The following KRIT1 variants were observed in gnomAD, a reference collection of about 807,000 sequenced individuals.
The protein encoded by KRIT1 is krev interaction trapped protein 1.
In KRIT1, 45 loss-of-function variants were observed where a neutral mutation model predicts 95.8. That is an observed-to-expected ratio of 0.47 (90% confidence interval 0.37 to 0.60). The LOEUF is 0.60. KRIT1 is among the 20% of genes least tolerant of loss of function. The pLI, the probability that KRIT1 is intolerant of heterozygous loss-of-function variation, is 0.00. For synonymous variants in KRIT1, 282 were observed against 278.8 expected (o/e 1.01, Z -0.11); for missense variants, 788 against 877.5 (o/e 0.90, Z 1.29).
rs540124707 is a variant in KRIT1, at chr7:92,201,600, T to C, written c.2026-177A>G. On this transcript the variant is annotated intron_variant, in intron 17 of 18. Transcript: ENST00000394505. ...GTGCAGAATGTGCAGTTTTGTTACA[T>C]AGACATACACATGCCATGGTGGTTT... The C allele has an allele frequency of 1.7e-3, 976 of 573,738 alleles. 11 individuals are homozygous for C. The highest frequency in any genetic ancestry group is 0.017 in the South Asian group (871 of 52,196). 35.5% of individuals were successfully genotyped at this position (573,738 alleles called of 1,614,324 possible).
chr7:92,235,666 G>C lies in KRIT1; in HGVS notation c.486-20C>G. 1 of 1,612,528 alleles carries C rather than the reference G, an allele frequency of 6.2e-7. No individual in the cohort carries two copies. Among genetic ancestry groups the C allele is most frequent in the South Asian group, 1.1e-5 (1 of 90,786 alleles). Reference sequence around the variant, plus strand: ...AACCACCTGGCAAAATAAAAAAACAGGTAGAAGTAGCCATTCGAAAGTGAA... The same window carrying C: ...AACCACCTGGCAAAATAAAAAAACACGTAGAAGTAGCCATTCGAAAGTGAA... On this transcript the variant is annotated intron_variant, in intron 7 of 18. Coordinates refer to ENST00000394505, the MANE Select transcript of KRIT1 (RefSeq NM_194454.3).
Position 92,226,698 on chromosome 7 carries a change from A to AACAAACAAAAAACAAC in KRIT1, c.990-32_990-17dup. ...TTTTCCATACCTGTATAAAAAAACA[A>AACAAACAAAAAACAAC]ACAAACAAAAAACAACAACAAAAAA... On this transcript the variant is annotated splice_polypyrimidine_tract_variant and intron_variant, in intron 10 of 18. Coordinates refer to ENST00000394505, the MANE Select transcript of KRIT1 (RefSeq NM_194454.3). 1 of 1,611,410 alleles carries AACAAACAAAAAACAAC rather than the reference A, an allele frequency of 6.2e-7. No homozygotes were observed. Among genetic ancestry groups the AACAAACAAAAAACAAC allele is most frequent in the Non-Finnish European group, 8.5e-7 (1 of 1,178,790 alleles).
At position 92,208,803 on chromosome 7, in the gene KRIT1, T is replaced by C. The variant is rs575563439; in HGVS notation, c.2025+4392A>G. ...ATGAAGAATACCAACTTTCTTAAAA[T>C]GGACCAAAAAACTGAAGAGGATTCT... On this transcript the variant is annotated intron_variant, in intron 17 of 18. Transcript: ENST00000394505. Among the ~76,000 whole-genome samples the C allele has an allele frequency of 3.9e-5, 6 of 152,104 alleles. No homozygotes were observed. In the East Asian group the frequency reaches 1.2e-3, roughly 29 times the overall value.
At chr7:92,237,073 T>C (rs1798588126) in intron 6 of KRIT1, among the ~76,000 whole-genome samples, 1 of 152,114 alleles carries the variant, frequency 6.6e-6, no homozygotes, top group South Asian at 2.1e-4. Flanking sequence ...TGGGAGTAGA[T>C]AGCAATATTG....
At chr7:92,232,205 G>A (rs1202937401) in intron 10 of KRIT1, among the ~76,000 whole-genome samples, 3 of 152,148 alleles carry the variant, frequency 2.0e-5, no homozygotes, top group Non-Finnish European at 4.4e-5. Context: ...TGGGATTACA[G>A]GTGTGGGCCA....
At chr7:92,245,499 T>A (rs143848097) in intron 1 of KRIT1, 1 of 150,930 alleles carries the variant, frequency 6.6e-6, no homozygotes, top group East Asian at 1.9e-4. Flanking sequence ...AACTTGCTCC[T>A]CCTGTTTCCC....
chr7:92,213,389 T>C lies in KRIT1; in HGVS notation c.1831A>G (p.Ser611Gly). The C allele has an allele frequency of 6.2e-7, 1 of 1,606,584 alleles. No homozygotes were observed. The highest frequency in any genetic ancestry group is 8.5e-7 in the Non-Finnish European group (1 of 1,173,382). Residue 611 changes from serine to glycine, a missense_variant, in exon 17 of 19, where the codon AGT (serine) becomes GGT (glycine). Physicochemically the swap from Ser to Gly is moderately conservative, Grantham distance 56 (BLOSUM62 0). Around this residue, in one of 3 missense-constraint regions of KRIT1, gnomAD observed 493 missense variants for 582.3 expected, o/e 0.85. Coordinates refer to ENST00000394505, the MANE Select transcript of KRIT1 (RefSeq NM_194454.3). ...ILHEYKNLST[S>G]EGVSKEMHHL... Reference sequence around the variant, plus strand: ...TGCATTTCTTTACTGACACCTTCACTTGTACTGAGATTCTAAAAACAAACA... The same window carrying C: ...TGCATTTCTTTACTGACACCTTCACCTGTACTGAGATTCTAAAAACAAACA...
At chr7:92,201,456 T>C in intron 17 of KRIT1, 33 bp from the exon 18 acceptor site, 2 of 1,014,262 alleles carry the variant, frequency 2.0e-6, no homozygotes, top group Non-Finnish European at 3.2e-6. Flanking sequence ...TATATTGAAA[T>C]ACATATTAAA....
Position 92,235,434 on chromosome 7 carries a change from A to C in KRIT1, c.698T>G (p.Leu233Trp), listed in dbSNP as rs1162361873. The change falls in exon 8 of 19, where the codon TTG becomes TGG. Residue 233 changes from leucine to tryptophan, a missense_variant. Around this residue, in one of 3 missense-constraint regions of KRIT1, gnomAD observed 289 missense variants for 277.5 expected, o/e 1.04. Transcript: ENST00000394505. The stretch of plus-strand genomic sequence containing the variant: ...TGTATACTGAAGATCTGATCCAAAC[A>C]AAGGGTTGTAAATACAGGTATCTGC... Reference protein sequence around the residue: ...EKADTCIYNPLFGSDLQYTNR... With the variant: ...EKADTCIYNPWFGSDLQYTNR... 6.2e-7 allele frequency: 1 copy of C among 1,613,832 alleles called. No homozygotes were observed. The highest frequency in any genetic ancestry group is 8.5e-7 in the Non-Finnish European group (1 of 1,179,738).
intron 14 of KRIT1, among the ~76,000 whole-genome samples, chr7:92,217,642 A>G (rs143444395): frequency 6.6e-6 from 1 of 152,298 alleles, no homozygotes; most frequent in Non-Finnish European, 1.5e-5. Context: ...GTATATATAG[A>G]TCACATTTTG....
At chr7:92,230,246 G>A (rs1184294007) in intron 10 of KRIT1, among the ~76,000 whole-genome samples, 1 of 152,016 alleles carries the variant, frequency 6.6e-6, no homozygotes, top group Non-Finnish European at 1.5e-5. Context: ...CTTGCCCAAC[G>A]TCTCATGGTG....
At chr7:92,221,274 A>T (rs1310836282) in intron 14 of KRIT1, among the ~76,000 whole-genome samples, 1 of 152,080 alleles carries the variant, frequency 6.6e-6, no homozygotes, top group Non-Finnish European at 1.5e-5. Flanking sequence ...CGTCTCCGCT[A>T]AAAATACAAA....
chr7:92,225,018 G>A (rs185009021), intron 12 of KRIT1, among the ~76,000 whole-genome samples: 30 of 152,096 alleles, frequency 2.0e-4, no homozygotes, highest in African/African-American at 5.5e-4. Flanking sequence ...TTAGCCGGGC[G>A]TGGTGGCAGG....
chr7:92,215,583 C>T (rs2131340576), intron 14 of KRIT1, among the ~76,000 whole-genome samples: 1 of 151,680 alleles, frequency 6.6e-6, no homozygotes, highest in Middle Eastern at 3.4e-3. Flanking sequence ...TATCTACCTG[C>T]CTCAGTCTCC....
At chr7:92,237,176 T>C (rs1563311737) in intron 6 of KRIT1, among the ~76,000 whole-genome samples, 1 of 152,130 alleles carries the variant, frequency 6.6e-6, no homozygotes, top group Admixed American at 6.5e-5. Flanking sequence ...TGAAACTCAA[T>C]GTGTTTATTA....
rs372125478 is a variant in KRIT1, at chr7:92,234,798, G to C, written c.845+10C>G. 2.5e-5 allele frequency: 38 copies of C among 1,490,844 alleles called. No individual in the cohort carries two copies. The highest frequency in any genetic ancestry group is 3.4e-4 in the Middle Eastern group (2 of 5,868). 92.4% of individuals were successfully genotyped at this position (1,490,844 alleles called of 1,614,324 possible). ...TATAAAAGCAATGTGGAGTAAAACC[G>C]AAACAGTACTTGTCTTCTGTGACAC... On this transcript the variant is annotated intron_variant, in intron 9 of 18. Coordinates refer to ENST00000394505, the MANE Select transcript of KRIT1 (RefSeq NM_194454.3).
chr7:92,242,744 T>C (rs1201102080), intron 3 of KRIT1, among the ~76,000 whole-genome samples: 3 of 152,252 alleles, frequency 2.0e-5, no homozygotes, highest in Non-Finnish European at 4.4e-5. Context: ...TTTGGTCAGT[T>C]GATAAAAGCT....
Position 92,240,451 on chromosome 7 carries a change from C to T in KRIT1, c.262+542G>A, listed in dbSNP as rs149299942. On this transcript the variant is annotated intron_variant, in intron 5 of 18. Transcript: ENST00000394505. ...TGGATATAGTTTGTAGTTTCTGTAACGTTTGATGGCTGTTTCTACAGCCTG... is the reference window on the plus strand; with the variant it reads ...TGGATATAGTTTGTAGTTTCTGTAATGTTTGATGGCTGTTTCTACAGCCTG... Among the ~76,000 whole-genome samples, 38 of 152,214 alleles carry T rather than the reference C, an allele frequency of 2.5e-4. No homozygotes were observed. The South Asian group carries it at 6.4e-3, about 26-fold the overall frequency.
Position 92,200,542 on chromosome 7 carries a change from AG to A in KRIT1, c.*193del, listed in dbSNP as rs1409717688. 7 of 559,062 alleles carry A rather than the reference AG, an allele frequency of 1.3e-5. No homozygotes were observed. Among genetic ancestry groups the A allele is most frequent in the Non-Finnish European group, 1.9e-5 (6 of 309,302 alleles). 34.6% of individuals were successfully genotyped at this position (559,062 alleles called of 1,614,324 possible). A position where few individuals can be genotyped will look rare whatever the true frequency, so the allele number is the denominator to read the frequency against. On this transcript the variant is annotated 3_prime_UTR_variant, in exon 19 of 19. Transcript: ENST00000394505. ...CTAATTTTTGTATTTTTGTAGAGAC[AG>A]GGTTTCACCATGTTGGCCAGGCTGG... is the stretch of plus-strand genomic sequence containing the variant.
Sources: allele counts gnomAD v4.1 joint callset (sites outside exome capture counted in the v4.1 genomes callset), GRCh38; gene constraint gnomAD v4.1.1; regional missense constraint gnomAD v4.1.1; transcripts MANE v1.5; gene names NCBI Gene and HGNC (gene_info 2026-07-23, HGNC 2026-07-21).